Variants in KCNH4 observed in about 807,000 individuals in gnomAD.
KCNH4 encodes the protein voltage-gated delayed rectifier potassium channel KCNH4.
KCNH4 carries 33 observed loss-of-function variants against 90.7 expected under a neutral mutation model. That is an observed-to-expected ratio of 0.36 (90% CI 0.28 to 0.49). The LOEUF is 0.49. Among genes scored for constraint, KCNH4 ranks in the 20% least tolerant of loss-of-function variants. KCNH4 has a pLI of 0.98. For missense variants in KCNH4, 1,044 were observed against 1,387.1 expected, an observed-to-expected ratio of 0.75 and a Z score of 3.93; for synonymous variants, 551 against 581.7, an observed-to-expected ratio of 0.95 and a Z score of 0.76.
Position 42,180,171 on chromosome 17 carries a change from C to A in KCNH4, c.76+699G>T, listed in dbSNP as rs532765579. 6.6e-6 allele frequency among the ~76,000 whole-genome samples: 1 copy of A among 152,192 alleles called. No homozygotes were observed. The highest frequency in any genetic ancestry group is 1.5e-5 in the Non-Finnish European group (1 of 68,022). On this transcript the variant is annotated intron_variant, in intron 1 of 16. Coordinates refer to ENST00000264661, the MANE Select transcript of KCNH4 (RefSeq NM_012285.3). The surrounding 1 kb of genome is among the most constrained non-coding windows in gnomAD (Gnocchi z 4.7). ...GTACCGCTCCCCCACCATCCAGATC[C>A]CGGCCAGGGTTCCCGAGGGAATGGC...
chr17:42,165,750 C>A, intron 10 of KCNH4, 57 bp from the exon 11 acceptor site: 1 of 1,601,534 alleles, frequency 6.2e-7, no homozygotes, highest in South Asian at 1.1e-5. Flanking sequence ...AGGATATCAG[C>A]TGGAGGTGCT....
chr17:42,171,860 A>C lies in KCNH4; in HGVS notation c.1123T>G (p.Trp375Gly). Residue 375 changes from tryptophan (W) to glycine (G), a missense_variant, in exon 7 of 17, where the codon TGG (tryptophan) becomes GGG (glycine). Physicochemically the swap from Trp to Gly is radical, Grantham distance 184. Transcript: ENST00000264661. ...ATGACATACCAGATGCAGGCCATCC[A>C]GTGGGCAAGGAGCGCAAAGACCGAC... ...LMSVFALLAHWMACIWYVIGR... is the reference protein window; with the variant it reads ...LMSVFALLAHGMACIWYVIGR... 1 of 1,614,158 alleles carries C rather than the reference A, an allele frequency of 6.2e-7. No individual in the cohort carries two copies. The highest frequency in any genetic ancestry group is 8.5e-7 in the Non-Finnish European group (1 of 1,180,030).
chr17:42,176,723 A>G (rs536528882), intron 4 of KCNH4, among the ~76,000 whole-genome samples: 12 of 151,780 alleles, frequency 7.9e-5, no homozygotes, highest in Non-Finnish European at 1.3e-4. Context: ...GGGTTTCGCC[A>G]TGTTGGCCAG....
intron 2 of KCNH4, 63 bp from the exon 3 acceptor site, chr17:42,178,540 A>T: frequency 6.4e-7 from 1 of 1,568,680 alleles, no homozygotes; most frequent in Non-Finnish European, 8.7e-7. Context: ...CTTTCTCCTC[A>T]TCCCTCTCAT....
At position 42,180,826 on chromosome 17, in the gene KCNH4, G is replaced by T; in HGVS notation, c.76+44C>A. ...ATCCGAGACGGCCCCGAGGATACTT[G>T]CCCCCCAGCTCGAACCTCAAGCCCC... On this transcript the variant is annotated intron_variant, in intron 1 of 16. Transcript: ENST00000264661. This position sits in a 1 kb window ranked among gnomAD's most constrained non-coding sequence, Gnocchi z 4.7. The T allele has an allele frequency of 3.2e-6, 5 of 1,580,602 alleles. No homozygotes were observed. The highest frequency in any genetic ancestry group is 3.5e-6 in the Non-Finnish European group (4 of 1,150,138).
rs549778559 is a variant in KCNH4, at chr17:42,180,527, C to T, written c.76+343G>A. Among the ~76,000 whole-genome samples, 7 of 152,218 alleles carry T rather than the reference C, an allele frequency of 4.6e-5. No individual in the cohort carries two copies. Among genetic ancestry groups the T allele is most frequent in the African/African-American group, 1.7e-4 (7 of 41,542 alleles). ...GACCCCAGAATGCCCGGCCACTTTG[C>T]CCCACTTCTGTGTCTCGGATACCCC... On this transcript the variant is annotated intron_variant, in intron 1 of 16. Coordinates refer to ENST00000264661, the MANE Select transcript of KCNH4 (RefSeq NM_012285.3). The surrounding 1 kb of genome is among the most constrained non-coding windows in gnomAD (Gnocchi z 4.7).
At chr17:42,171,190 G>A (rs1442689199) in intron 7 of KCNH4, among the ~76,000 whole-genome samples, 1 of 152,132 alleles carries the variant, frequency 6.6e-6, no homozygotes, top group African/African-American at 2.4e-5. Flanking sequence ...TGGGAAATCA[G>A]TAGGGAGGCT....
intron 6 of KCNH4, among the ~76,000 whole-genome samples, chr17:42,173,622 G>A (rs900400085): frequency 6.6e-6 from 1 of 151,390 alleles, no homozygotes; most frequent in African/African-American, 2.4e-5. Flanking sequence ...TCCACTCAGG[G>A]GCCCTGGTTA....
Position 42,181,127 on chromosome 17 carries a change from C to T in KCNH4, c.-182G>A, listed in dbSNP as rs959456051. The T allele has an allele frequency of 1.8e-6, 1 of 567,892 alleles. No homozygotes were observed. Among genetic ancestry groups the T allele is most frequent in the Non-Finnish European group, 3.0e-6 (1 of 327,928 alleles). 35.2% of individuals were successfully genotyped at this position (567,892 alleles called of 1,614,324 possible). Reference sequence around the variant, plus strand: ...GAACCCCGTAGCTCTCGGCTCGGCTCAGCGCCGTTTCGGTCCCCCCCACCT... The same window carrying T: ...GAACCCCGTAGCTCTCGGCTCGGCTTAGCGCCGTTTCGGTCCCCCCCACCT... On this transcript the variant is annotated 5_prime_UTR_variant, in exon 1 of 17. Transcript: ENST00000264661.
intron 9 of KCNH4, among the ~76,000 whole-genome samples, chr17:42,168,412 G>A (rs1331037146): frequency 6.6e-6 from 1 of 152,220 alleles, no homozygotes; most frequent in East Asian, 1.9e-4. Context: ...TTGGGAGGCT[G>A]AAGCAGGTGT....
rs1221792912 is a variant in KCNH4, at chr17:42,164,470, GGGGCTTGAAAGAGGA to G, written c.2086-317_2086-303del. Among the ~76,000 whole-genome samples the G allele has an allele frequency of 9.8e-5, 15 of 152,328 alleles. No homozygotes were observed. The East Asian group carries it at 2.7e-3, about 27-fold the overall frequency. Reference sequence around the variant, plus strand: ...CAGGGCATGATGCCCCGTCCAGAGAGGGGCTTGAAAGAGGAGCACATGAGGGGGTTGTTTCTAAAG... The same window carrying G: ...CAGGGCATGATGCCCCGTCCAGAGAGGCACATGAGGGGGTTGTTTCTAAAG... On this transcript the variant is annotated intron_variant, in intron 11 of 16. Coordinates refer to ENST00000264661, the MANE Select transcript of KCNH4 (RefSeq NM_012285.3).
At chr17:42,171,683 G>T in intron 7 of KCNH4, 105 bp downstream of exon 7, 1 of 1,002,574 alleles carries the variant, frequency 1.0e-6, no homozygotes, top group Non-Finnish European at 1.6e-6. Flanking sequence ...TTGTTGGATG[G>T]ATAGAGGAAT....
rs1430386821 is a variant in KCNH4 at position 42,176,246 on chromosome 17, C to G, written c.637G>C (p.Gly213Arg). 1.9e-6 allele frequency: 3 copies of G among 1,613,716 alleles called. No individual in the cohort carries two copies. In the African/African-American group the frequency reaches 4.0e-5, roughly 22 times the overall value. Reference sequence around the variant, plus strand: ...TGGAGGAGGAGGCAGCGAGACCCCCCCACGGAGGCCACCTTGTACTCGGGC... The same window carrying G: ...TGGAGGAGGAGGCAGCGAGACCCCCGCACGGAGGCCACCTTGTACTCGGGC... ...SVPEYKVASVGGSRCLLLHYS... is the reference protein window; with the variant it reads ...SVPEYKVASVRGSRCLLLHYS... Residue 213 changes from glycine to arginine, a missense_variant, in exon 5 of 17, where the codon GGG (glycine) becomes CGG (arginine). Gly to Arg is a moderately radical substitution (Grantham distance 125). Transcript: ENST00000264661.
intron 5 of KCNH4, 61 bp from the exon 6 acceptor site, chr17:42,175,797 G>A: frequency 6.3e-7 from 1 of 1,591,476 alleles, no homozygotes; most frequent in Non-Finnish European, 8.6e-7. Context: ...AACCGACAAA[G>A]CTGGGAACAA....
intron 11 of KCNH4, among the ~76,000 whole-genome samples, chr17:42,165,180 G>A (rs909219373): frequency 6.6e-6 from 1 of 152,100 alleles, no homozygotes; most frequent in East Asian, 1.9e-4. Context: ...CAGGAGTCTG[G>A]GGTGGGGCTG....
chr17:42,174,760 C>T (rs2079850580), intron 6 of KCNH4, among the ~76,000 whole-genome samples: 1 of 152,104 alleles, frequency 6.6e-6, no homozygotes, highest in South Asian at 2.1e-4. Context: ...CACAGATGAC[C>T]ACTCAGGGCA....
At chr17:42,162,348 T>A in intron 14 of KCNH4, 27 bp from the exon 15 acceptor site, 2 of 1,602,440 alleles carry the variant, frequency 1.2e-6, no homozygotes, top group African/African-American at 1.3e-5. Context: ...TGCAGGTGAG[T>A]TCATGGAGCA....
chr17:42,164,988 C>T (rs993991716), intron 11 of KCNH4, among the ~76,000 whole-genome samples: 3 of 151,922 alleles, frequency 2.0e-5, no homozygotes, highest in African/African-American at 7.3e-5. Flanking sequence ...CACCTGTAAT[C>T]CCAGCTACTC....
Position 42,165,655 on chromosome 17 carries a change from C to G in KCNH4, c.1879G>C (p.Gly627Arg). ...DLIGADIPEP[G>R]QEPGLGADPN... ...TCTGCTCCCAACCCAGGCTCCTGCC[C>G]CGGCTCAGGGATATCTGCTCCAATC... The change falls in exon 11 of 17, where the codon GGG becomes CGG. Residue 627 changes from glycine (G) to arginine (R), a missense_variant. By Grantham distance (125) the Gly-to-Arg change is moderately radical. Transcript: ENST00000264661. The G allele has an allele frequency of 3.1e-6, 5 of 1,614,140 alleles. No individual in the cohort carries two copies. The highest frequency in any genetic ancestry group is 4.2e-6 in the Non-Finnish European group (5 of 1,180,028).
Sources: allele counts gnomAD v4.1 joint callset (sites outside exome capture counted in the v4.1 genomes callset), GRCh38; gene constraint gnomAD v4.1.1; non-coding constraint Gnocchi (gnomAD v3.1); transcripts MANE v1.5; gene names NCBI Gene and HGNC (gene_info 2026-07-23, HGNC 2026-07-21).